Variants in TAF1A observed in about 807,000 individuals in gnomAD.
The protein encoded by TAF1A is TATA box-binding protein-associated factor RNA polymerase I subunit A.
Under a neutral mutation model 61.6 loss-of-function variants are expected in TAF1A, and 42 were observed. That is an observed-to-expected ratio of 0.68 (90% CI 0.53 to 0.88). The LOEUF (loss-of-function observed/expected upper bound fraction) is 0.88. Among genes scored for constraint, TAF1A ranks in the 40% least tolerant of loss-of-function variants. The pLI is 0.00. For missense variants in TAF1A, 424 were observed against 518.7 expected (o/e 0.82, Z 1.77); for synonymous variants, 179 against 177.7 (o/e 1.01, Z -0.06).
At chr1:222,575,271 A>G (rs1660522408) in intron 5 of TAF1A, among the ~76,000 whole-genome samples, 3 of 152,110 alleles carry the variant, frequency 2.0e-5, no homozygotes, top group Admixed American at 1.3e-4. Flanking sequence ...CTGTAATCCT[A>G]GCAGTTTGGA....
At chr1:222,570,817 TC>T (rs1660322050) in intron 5 of TAF1A, 152 bp from the exon 6 acceptor site, 1 of 699,012 alleles carries the variant, frequency 1.4e-6, no homozygotes, top group African/African-American at 1.8e-5. Context: ...TACTAATTCT[TC>T]ACAAATTCTC....
chr1:222,566,426 T>C (rs1288429978), intron 7 of TAF1A, among the ~76,000 whole-genome samples: 1 of 152,206 alleles, frequency 6.6e-6, no homozygotes, highest in African/African-American at 2.4e-5. Flanking sequence ...TATTGTGCAC[T>C]TTATATTATT....
chr1:222,558,623 T>G lies in TAF1A; in HGVS notation c.*37A>C. On this transcript the variant is annotated 3_prime_UTR_variant, in exon 11 of 11. Coordinates refer to ENST00000352967, the MANE Select transcript of TAF1A (RefSeq NM_005681.4). ...AATAACTATCTACCAAGCTACTTAC[T>G]GTGTAGCTACAACTGTGAAATAACT... 9.0e-7 allele frequency: 1 copy of G among 1,115,686 alleles called. No homozygotes were observed. 69.1% of individuals were successfully genotyped at this position (1,115,686 alleles called of 1,614,324 possible). A position where few individuals can be genotyped will look rare whatever the true frequency, so the allele number is the denominator to read the frequency against.
rs190346093 is a variant in TAF1A at position 222,574,497 on chromosome 1, A to G, written c.604+2948T>C. ...CATATTCTATGACAATTCTACTCCT[A>G]GAAATGCATACTTATGTGCACCGGT... On this transcript the variant is annotated intron_variant, in intron 5 of 10. Coordinates refer to ENST00000352967, the MANE Select transcript of TAF1A (RefSeq NM_005681.4). Among the ~76,000 whole-genome samples, 166 of 152,330 alleles carry G rather than the reference A, an allele frequency of 1.1e-3. 1 individual carries two copies. The highest frequency in any genetic ancestry group is 3.8e-3 in the African/African-American group (158 of 41,586).
intron 7 of TAF1A, among the ~76,000 whole-genome samples, chr1:222,567,962 G>A (rs1302180261): frequency 1.3e-5 from 2 of 151,984 alleles, no homozygotes; most frequent in Admixed American, 1.3e-4. Flanking sequence ...CATCTATTGA[G>A]GTGGAAATAT....
intron 7 of TAF1A, 59 bp downstream of exon 7, chr1:222,569,451 A>G (rs1660256214): frequency 6.2e-7 from 1 of 1,612,878 alleles, no homozygotes; most frequent in Non-Finnish European, 8.5e-7. Flanking sequence ...GCAATGGCCT[A>G]AGAATGTTTT....
At chr1:222,568,322 A>T (rs780301561) in intron 7 of TAF1A, among the ~76,000 whole-genome samples, 23 of 152,278 alleles carry the variant, frequency 1.5e-4, no homozygotes, top group Middle Eastern at 6.8e-3. Context: ...AGATACTATT[A>T]AGGAAACCAA....
chr1:222,564,923 T>C (rs568982537), intron 7 of TAF1A, among the ~76,000 whole-genome samples: 4 of 152,332 alleles, frequency 2.6e-5, no homozygotes, highest in South Asian at 2.1e-4. Flanking sequence ...ATTCAGTTCC[T>C]ATGAAAGTCA....
Position 222,561,498 on chromosome 1 carries a change from T to G in TAF1A, c.1106A>C (p.Gln369Pro), listed in dbSNP as rs1168151534. Residue 369 changes from glutamine (Q) to proline (P), a missense_variant, in exon 10 of 11, where the codon CAA becomes CCA. Coordinates refer to ENST00000352967, the MANE Select transcript of TAF1A (RefSeq NM_005681.4). ...GTTTTTCCTGGAGTTCCACTCTTCT[T>G]GAACCCACGCAAGGTGGTTTCTGGA... ...ILMGNHLAWVQEEWNSRKNWW... is the reference protein window; with the variant it reads ...ILMGNHLAWVPEEWNSRKNWW... The G allele has an allele frequency of 3.1e-6, 5 of 1,608,974 alleles. No individual in the cohort carries two copies. Among genetic ancestry groups the G allele is most frequent in the Non-Finnish European group, 1.7e-6 (2 of 1,177,930 alleles).
intron 5 of TAF1A, among the ~76,000 whole-genome samples, chr1:222,573,354 A>G (rs1342125285): frequency 6.6e-6 from 1 of 152,198 alleles, no homozygotes; most frequent in Non-Finnish European, 1.5e-5. Flanking sequence ...TGAATCTGAT[A>G]TATCTGATAA....
intron 5 of TAF1A, among the ~76,000 whole-genome samples, chr1:222,574,386 TA>T (rs1660485891): frequency 6.6e-6 from 1 of 152,198 alleles, no homozygotes; most frequent in Non-Finnish European, 1.5e-5. Context: ...AAGAAAACTC[TA>T]ATCAGATTGT....
intron 7 of TAF1A, among the ~76,000 whole-genome samples, chr1:222,565,380 C>T (rs932815053): frequency 2.0e-5 from 3 of 152,186 alleles, no homozygotes; most frequent in Non-Finnish European, 4.4e-5. Flanking sequence ...CTATTAAACC[C>T]ATGTATTGAG....
chr1:222,570,696 C>A, intron 5 of TAF1A, 31 bp from the exon 6 acceptor site: 1 of 1,538,964 alleles, frequency 6.5e-7, no homozygotes, highest in South Asian at 1.3e-5. Context: ...TTTTAACATT[C>A]ATTAAACATT....
chr1:222,563,088 A>C, intron 9 of TAF1A, 85 bp downstream of exon 9: 1 of 1,271,426 alleles, frequency 7.9e-7, no homozygotes. Context: ...AAACATAAGC[A>C]AAGATCTTTA....
At chr1:222,584,805 G>A (rs1428175249) in intron 2 of TAF1A, among the ~76,000 whole-genome samples, 1 of 152,160 alleles carries the variant, frequency 6.6e-6, no homozygotes, top group East Asian at 1.9e-4. Context: ...TATCTCTAAA[G>A]TATTGGCAAT....
At chr1:222,569,175 C>T (rs1184920052) in intron 7 of TAF1A, 8 of 904,802 alleles carry the variant, frequency 8.8e-6, no homozygotes, top group East Asian at 7.1e-5. Flanking sequence ...ATGAATGTAA[C>T]GCATCCAAGC....
rs1355281461 is a variant in TAF1A at position 222,582,471 on chromosome 1, A to AT, written c.291+1656dup. 6.6e-5 allele frequency among the ~76,000 whole-genome samples: 10 copies of AT among 152,358 alleles called. No homozygotes were observed. In the South Asian group the frequency reaches 2.1e-3, roughly 32 times the overall value. On this transcript the variant is annotated intron_variant, in intron 3 of 10. Coordinates refer to ENST00000352967, the MANE Select transcript of TAF1A (RefSeq NM_005681.4). ...CAAAATATTGGCAAGGATTAGAGAA[A>AT]TTAGAAGCCTCAGATATTGCTGGTG... is the stretch of plus-strand genomic sequence containing the variant.
chr1:222,564,237 A>T, intron 7 of TAF1A, 112 bp from the exon 8 acceptor site: 1 of 390,312 alleles, frequency 2.6e-6, no homozygotes, highest in Non-Finnish European at 4.6e-6. Flanking sequence ...CTTTAAATTT[A>T]TTAAGTATTT....
At chr1:222,559,269 T>C (rs946183111) in intron 10 of TAF1A, among the ~76,000 whole-genome samples, 3 of 152,230 alleles carry the variant, frequency 2.0e-5, no homozygotes, top group African/African-American at 7.2e-5. Context: ...TGTGAAGGAT[T>C]AGAATAAACA....
Sources: allele counts gnomAD v4.1 joint callset (sites outside exome capture counted in the v4.1 genomes callset), GRCh38; gene constraint gnomAD v4.1.1; transcripts MANE v1.5; gene names NCBI Gene and HGNC (gene_info 2026-07-23, HGNC 2026-07-21).